Variants in RIPOR1 observed in about 807,000 individuals in gnomAD.
RIPOR1 encodes RHO family interacting cell polarization regulator 1.
Under a neutral mutation model 116.5 loss-of-function variants are expected in RIPOR1, and 58 were observed. The ratio of observed to expected loss-of-function variants is 0.50; its 90% CI spans 0.40 to 0.62. The LOEUF (loss-of-function observed/expected upper bound fraction) is 0.62, where lower values mean the gene tolerates loss of function less well. Ranked by LOEUF, RIPOR1 falls within the 20% of genes least tolerant of loss-of-function variation. RIPOR1 has a pLI of 0.00. For synonymous variants in RIPOR1, 605 were observed against 650.0 expected (o/e 0.93, Z 1.05); for missense variants, 1,372 against 1,586.2 (o/e 0.86, Z 2.29).
In RIPOR1 at chr16:67,520,662, A is replaced by G. The variant is rs939233867; in HGVS notation, c.-24+2049A>G. 2.6e-5 allele frequency among the ~76,000 whole-genome samples: 4 copies of G among 151,518 alleles called. 1 individual carries two copies. The highest frequency in any genetic ancestry group is 2.0e-4 in the Admixed American group (3 of 15,226). On this transcript the variant is annotated intron_variant, in intron 1 of 1. Transcript: ENST00000562116. ...CTAAAAATACAAAAATTAGCTGGGCATGGGGTGTGCACCTGTAATCCCAGC... is the reference window on the plus strand; with the variant it reads ...CTAAAAATACAAAAATTAGCTGGGCGTGGGGTGTGCACCTGTAATCCCAGC...
chr16:67,526,887 T>C (rs1467982074), upstream of RIPOR1, among the ~76,000 whole-genome samples: 1 of 152,148 alleles, frequency 6.6e-6, no homozygotes, highest in Non-Finnish European at 1.5e-5. Flanking sequence ...AGTCTCTAGC[T>C]CAGGTGGATG....
At chr16:67,521,727 T>G (rs2050496519) in intron 1 of RIPOR1, among the ~76,000 whole-genome samples, 1 of 152,154 alleles carries the variant, frequency 6.6e-6, no homozygotes. Flanking sequence ...CTGGCCAGCC[T>G]CAGGCGGTGT....
intron 4 of RIPOR1, chr16:67,539,437 G>A (rs1215486077): frequency 3.7e-6 from 2 of 547,600 alleles, no homozygotes; most frequent in South Asian, 2.1e-5. Context: ...GAGTTCCCCT[G>A]CAGAGGGAAC....
In RIPOR1 at chr16:67,545,525, G is replaced by A. The variant is rs772470305; in HGVS notation, c.3181G>A (p.Ala1061Thr). Residue 1061 changes from alanine (A) to threonine (T), a missense_variant, in exon 18 of 22, where the codon GCT becomes ACT. Around this residue, in one of 3 missense-constraint regions of RIPOR1, gnomAD observed 1,005 missense variants for 1,144.7 expected, o/e 0.88. Coordinates refer to ENST00000042381, the MANE Select transcript of RIPOR1 (RefSeq NM_024519.4). The surrounding 1 kb of genome is among the most constrained non-coding windows in gnomAD (Gnocchi z 4.8). ...CATGGAGGCCTACGTGACTGAGACC[G>A]CTGAGGAGGGTGAGGCGGTGGCCCT... ...PTMEAYVTET[A>T]EEVLLVRNLN... 1.3e-5 allele frequency: 21 copies of A among 1,613,904 alleles called. No individual in the cohort carries two copies. Among genetic ancestry groups the A allele is most frequent in the Middle Eastern group, 3.3e-4 (2 of 6,084 alleles).
In RIPOR1 at chr16:67,544,168, C is replaced by T. The variant is rs915818383; in HGVS notation, c.2601-131C>T. On this transcript the variant is annotated intron_variant, in intron 14 of 21. Coordinates refer to ENST00000042381, the MANE Select transcript of RIPOR1 (RefSeq NM_024519.4). This position sits in a 1 kb window ranked among gnomAD's most constrained non-coding sequence, Gnocchi z 5.1. The stretch of plus-strand genomic sequence containing the variant: ...CCTCCTTCTGGAAATCCTCCATGAA[C>T]TTACCCCACTGTCTGCTGTCGGTGC... 7 of 1,217,752 alleles carry T rather than the reference C, an allele frequency of 5.7e-6. No homozygotes were observed. In the Admixed American group the frequency reaches 1.7e-4, roughly 30 times the overall value. 75.4% of individuals were successfully genotyped at this position (1,217,752 alleles called of 1,614,324 possible). A position where few individuals can be genotyped will look rare whatever the true frequency, so the allele number is the denominator to read the frequency against.
chr16:67,536,537 G>A, intron 1 of RIPOR1, among the ~76,000 whole-genome samples: 1 of 152,140 alleles, frequency 6.6e-6, no homozygotes, highest in Middle Eastern at 3.2e-3. Context: ...AGCCTAGGAT[G>A]CAGCTTGACT....
At chr16:67,524,054 C>G (rs2050520226), upstream of RIPOR1, among the ~76,000 whole-genome samples, 1 of 152,074 alleles carries the variant, frequency 6.6e-6, no homozygotes, top group South Asian at 2.1e-4. Flanking sequence ...CTGCCCATCT[C>G]AGAGGCAAAC....
Position 67,541,318 on chromosome 16 carries a change from C to T in RIPOR1, c.802-112C>T, listed in dbSNP as rs2050974845. 1.6e-6 allele frequency: 2 copies of T among 1,217,078 alleles called. No homozygotes were observed. Among genetic ancestry groups the T allele is most frequent in the African/African-American group, 1.5e-5 (1 of 65,928 alleles). The allele number at this position is 1,217,078 out of a possible 1,614,324, so 75.4% of individuals were successfully genotyped here. On this transcript the variant is annotated intron_variant, in intron 10 of 21. Coordinates refer to ENST00000042381, the MANE Select transcript of RIPOR1 (RefSeq NM_024519.4). This position sits in a 1 kb window ranked among gnomAD's most constrained non-coding sequence, Gnocchi z 4.6. ...CTCCTGGCCTTAAGTGATCCTCCTG[C>T]CTCAGCCTCCCATGACCATTTTATA...
In RIPOR1 at chr16:67,538,493, G is replaced by C. The variant is rs765902594; in HGVS notation, c.47G>C (p.Arg16Pro). 6.2e-6 allele frequency: 10 copies of C among 1,611,794 alleles called. No homozygotes were observed. The Admixed American group carries it at 8.4e-5, about 13-fold the overall frequency. Residue 16 changes from arginine to proline, a missense_variant, in exon 2 of 22, where the codon CGG becomes CCG. Physicochemically the swap from Arg to Pro is moderately radical, Grantham distance 103. Around this residue, in one of 3 missense-constraint regions of RIPOR1, gnomAD observed 165 missense variants for 145.5 expected, o/e 1.13. Transcript: ENST00000042381. ...VRPQRRLLSA[R>P]VNRSQSFAGV... The stretch of plus-strand genomic sequence containing the variant: ...CCGCAGCGCCGTCTGCTCAGCGCCC[G>C]GGTCAATAGGAGCCAGTCCTTCGCA...
rs375908811 is a variant in RIPOR1 at position 67,538,814 on chromosome 16, C to A, written c.247C>A (p.Arg83=). 2.5e-6 allele frequency: 4 copies of A among 1,612,702 alleles called. No homozygotes were observed. Among genetic ancestry groups the A allele is most frequent in the African/African-American group, 1.3e-5 (1 of 74,922 alleles). ...GGACCTGGTGTACACGGCGCTGAAG[C>A]GGGGCCTGACGTGAGCAGCTCCTCT... is the stretch of plus-strand genomic sequence containing the variant. ...RLDLVYTALK[R]GLTAYLEVHQ... Residue 83 remains arginine (R), a synonymous_variant, in exon 3 of 22, where the codon CGG becomes AGG. Coordinates refer to ENST00000042381, the MANE Select transcript of RIPOR1 (RefSeq NM_024519.4).
intron 1 of RIPOR1, among the ~76,000 whole-genome samples, chr16:67,522,565 G>C (rs530235868): frequency 6.0e-4 from 91 of 151,996 alleles, no homozygotes; most frequent in Non-Finnish European, 1.1e-3. Flanking sequence ...TCGATCTCTT[G>C]ACCTCATGAT....
rs777805658 is a variant in RIPOR1, at chr16:67,546,016, C to G, written c.3455C>G (p.Ala1152Gly). The change falls in exon 20 of 22, where the codon GCC becomes GGC. Residue 1152 changes from alanine (A) to glycine (G), a missense_variant. Ala to Gly is a moderately conservative substitution (Grantham distance 60). Transcript: ENST00000042381. The stretch of plus-strand genomic sequence containing the variant: ...CAGACTCGAGTGGCTGGCTGCCTGG[C>G]CCTAGGCTGCATCAAGGTGACCCCT... ...DVQTRVAGCLALGCIKAPEGI... is the reference protein window; with the variant it reads ...DVQTRVAGCLGLGCIKAPEGI... 6.2e-7 allele frequency: 1 copy of G among 1,613,210 alleles called. No homozygotes were observed. The highest frequency in any genetic ancestry group is 1.3e-5 in the African/African-American group (1 of 74,978).
At position 67,531,550 on chromosome 16, in the gene RIPOR1, G is replaced by T; in HGVS notation, c.-24+2636G>T. On this transcript the variant is annotated intron_variant, in intron 1 of 21. Transcript: ENST00000042381. This position sits in a 1 kb window ranked among gnomAD's most constrained non-coding sequence, Gnocchi z 4.2. Reference sequence around the variant, plus strand: ...AAGTCATAGGGTAGACTTGAGGAAGGAGAGGGACTTGGGGCTGAGTAGTGG... The same window carrying T: ...AAGTCATAGGGTAGACTTGAGGAAGTAGAGGGACTTGGGGCTGAGTAGTGG... The T allele has an allele frequency of 2.2e-6, 1 of 446,324 alleles. No individual in the cohort carries two copies. 27.6% of individuals were successfully genotyped at this position (446,324 alleles called of 1,614,324 possible). A position where few individuals can be genotyped will look rare whatever the true frequency, so the allele number is the denominator to read the frequency against.
Position 67,543,787 on chromosome 16 carries a change from T to C in RIPOR1, c.2600+318T>C. 1 of 453,568 alleles carries C rather than the reference T, an allele frequency of 2.2e-6. No homozygotes were observed. The allele number at this position is 453,568 out of a possible 1,614,324, so 28.1% of individuals were successfully genotyped here. On this transcript the variant is annotated intron_variant, in intron 14 of 21. Transcript: ENST00000042381. The surrounding 1 kb of genome is among the most constrained non-coding windows in gnomAD (Gnocchi z 4.7). ...CCAGCCCCTCCTCTTCCCCTTGGCCTCACCTTGGACCTGCCCTTTAAGGAG... is the reference window on the plus strand; with the variant it reads ...CCAGCCCCTCCTCTTCCCCTTGGCCCCACCTTGGACCTGCCCTTTAAGGAG...
Position 67,542,372 on chromosome 16 carries a change from C to T in RIPOR1, c.1586C>T (p.Ser529Leu), listed in dbSNP as rs1451781192. 3.1e-6 allele frequency: 5 copies of T among 1,613,848 alleles called. No individual in the cohort carries two copies. The African/African-American group carries it at 4.0e-5, about 13-fold the overall frequency. ...TDPAPSAHLD[S>L]VHKSTDSGPS... ...CCTGCCCCATCTGCACACCTAGACTCAGTTCATAAGTCCACAGACTCTGGC... is the reference window on the plus strand; with the variant it reads ...CCTGCCCCATCTGCACACCTAGACTTAGTTCATAAGTCCACAGACTCTGGC... The change falls in exon 13 of 22, where the codon TCA (serine) becomes TTA (leucine). Residue 529 changes from serine to leucine, a missense_variant. Physicochemically the swap from Ser to Leu is moderately radical, Grantham distance 145. This residue lies in a region of RIPOR1 where 1,005 missense variants were observed against 1,144.7 expected (regional missense o/e 0.88). Transcript: ENST00000042381. This position sits in a 1 kb window ranked among gnomAD's most constrained non-coding sequence, Gnocchi z 4.6.
intron 1 of RIPOR1, among the ~76,000 whole-genome samples, chr16:67,536,708 C>A (rs144648430): frequency 1.3e-5 from 2 of 152,190 alleles, no homozygotes; most frequent in African/African-American, 4.8e-5. Flanking sequence ...TCTCTCTTGG[C>A]GCAGCAGCAC....
In RIPOR1 at chr16:67,545,217, CGAG is replaced by C. The variant is rs2051127111; in HGVS notation, c.3031+104_3031+106del. The C allele has an allele frequency of 3.2e-6, 5 of 1,541,288 alleles. No homozygotes were observed. The highest frequency in any genetic ancestry group is 4.4e-6 in the Non-Finnish European group (5 of 1,134,240). The stretch of plus-strand genomic sequence containing the variant: ...CCACACAGATAAACGAACTGGGCAC[CGAG>C]GAGACCAGCAAAGACTTGGGCCTTA... On this transcript the variant is annotated intron_variant, in intron 17 of 21. Transcript: ENST00000042381. This position sits in a 1 kb window ranked among gnomAD's most constrained non-coding sequence, Gnocchi z 4.8.
At chr16:67,526,798 G>T (rs752401685), upstream of RIPOR1, among the ~76,000 whole-genome samples, 1 of 152,212 alleles carries the variant, frequency 6.6e-6, no homozygotes, top group Non-Finnish European at 1.5e-5. Flanking sequence ...AAAGTACTCA[G>T]AAGATGCCTG....
At position 67,545,684 on chromosome 16, in the gene RIPOR1, A is replaced by G. The variant is rs2051141035; in HGVS notation, c.3211A>G (p.Asn1071Asp). 1 of 1,572,916 alleles carries G rather than the reference A, an allele frequency of 6.4e-7. No homozygotes were observed. Among genetic ancestry groups the G allele is most frequent in the South Asian group, 1.2e-5 (1 of 84,808 alleles). Residue 1071 changes from asparagine to aspartate, a missense_variant, in exon 19 of 22, where the codon AAC becomes GAC. Physicochemically the swap from Asn to Asp is conservative, Grantham distance 23. This residue lies in a region of RIPOR1 where 1,005 missense variants were observed against 1,144.7 expected (regional missense o/e 0.88). Coordinates refer to ENST00000042381, the MANE Select transcript of RIPOR1 (RefSeq NM_024519.4). The surrounding 1 kb of genome is among the most constrained non-coding windows in gnomAD (Gnocchi z 4.8). ...AEEVLLVRNL[N>D]SDDQAVVLKA... Reference sequence around the variant, plus strand: ...TTCAGTGCTACTGGTGCGGAATCTGAACTCGGATGATCAGGCTGTTGTGCT... The same window carrying G: ...TTCAGTGCTACTGGTGCGGAATCTGGACTCGGATGATCAGGCTGTTGTGCT...
Sources: allele counts gnomAD v4.1 joint callset (sites outside exome capture counted in the v4.1 genomes callset), GRCh38; gene constraint gnomAD v4.1.1; regional missense constraint gnomAD v4.1.1; non-coding constraint Gnocchi (gnomAD v3.1); transcripts MANE v1.5; gene names NCBI Gene and HGNC (gene_info 2026-07-23, HGNC 2026-07-21).